TMEFF1: variants seen among roughly 807,000 people sequenced by gnomAD.
The protein encoded by TMEFF1 is tomoregulin-1.
In TMEFF1, 20 loss-of-function variants were observed where a neutral mutation model predicts 47.5. The ratio of observed to expected loss-of-function variants is 0.42; its 90% CI spans 0.30 to 0.61. The LOEUF (loss-of-function observed/expected upper bound fraction) is 0.61, where lower values mean the gene tolerates loss of function less well. Among genes scored for constraint, TMEFF1 ranks in the 20% least tolerant of loss-of-function variants. The probability of loss-of-function intolerance (pLI) is 0.19; values close to 1 mark genes in which losing one functional copy is unlikely to be tolerated. For synonymous variants in TMEFF1, 162 were observed against 166.3 expected, an observed-to-expected ratio of 0.97 and a Z score of 0.20; for missense variants, 411 against 471.1, an observed-to-expected ratio of 0.87 and a Z score of 1.18.
At chr9:100,522,676 C>G (rs1203836673) in intron 5 of TMEFF1, among the ~76,000 whole-genome samples, 2 of 151,654 alleles carry the variant, frequency 1.3e-5, no homozygotes, top group Non-Finnish European at 1.5e-5. Flanking sequence ...ATCTCGTGAT[C>G]CACCTGCCTC....
chr9:100,491,401 C>T (rs1453013185), intron 1 of TMEFF1, among the ~76,000 whole-genome samples: 2 of 152,078 alleles, frequency 1.3e-5, no homozygotes, highest in Non-Finnish European at 2.9e-5. Flanking sequence ...TTTTAAAGGA[C>T]AAGGTGAAAA....
At chr9:100,520,431 A>G (rs749872455) in intron 5 of TMEFF1, among the ~76,000 whole-genome samples, 2 of 152,240 alleles carry the variant, frequency 1.3e-5, no homozygotes, top group Non-Finnish European at 2.9e-5. Context: ...AGAGCAGCTA[A>G]AATCTTTCTC....
intron 1 of TMEFF1, among the ~76,000 whole-genome samples, chr9:100,480,459 G>T (rs1232328706): frequency 6.6e-6 from 1 of 152,126 alleles, no homozygotes; most frequent in African/African-American, 2.4e-5. Flanking sequence ...GCTTTGAAAA[G>T]ACTTGATAAA....
chr9:100,537,016 A>G (rs753455780), intron 5 of TMEFF1, among the ~76,000 whole-genome samples: 12 of 152,236 alleles, frequency 7.9e-5, no homozygotes, highest in African/African-American at 2.7e-4. Context: ...ATTAGAGTCT[A>G]AAAGATTTCA....
At chr9:100,480,436 G>A (rs1837319542) in intron 1 of TMEFF1, among the ~76,000 whole-genome samples, 2 of 152,222 alleles carry the variant, frequency 1.3e-5, no homozygotes, top group African/African-American at 2.4e-5. Context: ...ACAAAAAGTT[G>A]TTTTTATGAA....
chr9:100,550,215 C>A, intron 7 of TMEFF1, 55 bp downstream of exon 7: 1 of 1,566,564 alleles, frequency 6.4e-7, no homozygotes, highest in Non-Finnish European at 8.7e-7. Context: ...CGGTCACTAG[C>A]TGTCCTTATT....
At position 100,498,845 on chromosome 9, in the gene TMEFF1, G is replaced by T. The variant is rs140971390; in HGVS notation, c.277G>T (p.Asp93Tyr). The T allele has an allele frequency of 4.7e-5, 76 of 1,613,810 alleles. No individual in the cohort carries two copies. Among genetic ancestry groups the T allele is most frequent in the African/African-American group, 9.3e-5 (7 of 74,914 alleles). The change falls in exon 2 of 10, where the codon GAT becomes TAT. Residue 93 changes from aspartate (D) to tyrosine (Y), a missense_variant. Asp to Tyr is a radical substitution (Grantham distance 160). Coordinates refer to ENST00000374879, the MANE Select transcript of TMEFF1 (RefSeq NM_003692.5). ...KYGGVCKEDGDGLKCACQFQC... is the reference protein window; with the variant it reads ...KYGGVCKEDGYGLKCACQFQC... ...TGGAGGAGTCTGTAAAGAAGATGGA[G>T]ATGGTTTGAAATGTGCATGCCAATT...
chr9:100,539,576 G>C (rs947140421), intron 5 of TMEFF1, among the ~76,000 whole-genome samples: 6 of 152,150 alleles, frequency 3.9e-5, no homozygotes, highest in Admixed American at 3.3e-4. Flanking sequence ...TCCTTCTGGT[G>C]GGTTTGTGGT....
At chr9:100,518,350 C>A in intron 5 of TMEFF1, 1 of 749,700 alleles carries the variant, frequency 1.3e-6, no homozygotes, top group Non-Finnish European at 1.6e-6. Flanking sequence ...CAGAGCAACT[C>A]TGTTGTGTTT....
intron 7 of TMEFF1, among the ~76,000 whole-genome samples, chr9:100,559,153 G>T (rs769019578): frequency 3.3e-5 from 5 of 152,116 alleles, no homozygotes; most frequent in Non-Finnish European, 5.9e-5. Context: ...GGTAGAGGCT[G>T]ACTTAAAAAA....
chr9:100,568,164 A>G (rs1217826430), intron 8 of TMEFF1, among the ~76,000 whole-genome samples: 1 of 152,170 alleles, frequency 6.6e-6, no homozygotes, highest in Non-Finnish European at 1.5e-5. Context: ...TCAGTTGGAG[A>G]AAATGATATC....
At chr9:100,533,267 C>T (rs919452866) in intron 5 of TMEFF1, among the ~76,000 whole-genome samples, 1 of 152,002 alleles carries the variant, frequency 6.6e-6, no homozygotes, top group Non-Finnish European at 1.5e-5. Flanking sequence ...GGATCCGATG[C>T]TATCTTTAAG....
intron 5 of TMEFF1, among the ~76,000 whole-genome samples, chr9:100,539,582 G>A (rs543099892): frequency 1.1e-4 from 16 of 152,260 alleles, no homozygotes; most frequent in African/African-American, 3.9e-4. Context: ...TGGTGGGTTT[G>A]TGGTCTTGCT....
At chr9:100,516,565 A>G (rs1338239640) in intron 4 of TMEFF1, 110 bp from the exon 5 acceptor site, 1 of 1,360,316 alleles carries the variant, frequency 7.4e-7, no homozygotes, top group East Asian at 2.5e-5. Flanking sequence ...TGTTTTCAAG[A>G]GCTCAGGTAC....
chr9:100,522,209 C>G (rs554669423), intron 5 of TMEFF1, among the ~76,000 whole-genome samples: 5 of 152,132 alleles, frequency 3.3e-5, no homozygotes, highest in Admixed American at 2.0e-4. Context: ...TTATTTCCTC[C>G]TAATCAGAGA....
chr9:100,532,591 G>C (rs1175465828), intron 5 of TMEFF1, among the ~76,000 whole-genome samples: 4 of 151,898 alleles, frequency 2.6e-5, no homozygotes, highest in Middle Eastern at 3.4e-3. Flanking sequence ...GGAAACAACA[G>C]GTGCTGGAGA....
intron 1 of TMEFF1, among the ~76,000 whole-genome samples, chr9:100,483,091 T>C (rs759224029): frequency 5.9e-5 from 9 of 152,174 alleles, no homozygotes; most frequent in Non-Finnish European, 8.8e-5. Flanking sequence ...ATGATAAAAT[T>C]TCTCTCATTG....
At chr9:100,508,018 A>AT (rs1011074261) in intron 2 of TMEFF1, among the ~76,000 whole-genome samples, 3 of 152,142 alleles carry the variant, frequency 2.0e-5, no homozygotes, top group Non-Finnish European at 4.4e-5. Flanking sequence ...ACCTAATTGA[A>AT]TTTTTTAATA....
At chr9:100,477,919 GC>G (rs1342013356) in intron 1 of TMEFF1, among the ~76,000 whole-genome samples, 1 of 152,052 alleles carries the variant, frequency 6.6e-6, no homozygotes, top group African/African-American at 2.4e-5. Context: ...GAGCCACTGC[GC>G]CCGGCCTGCA....
Sources: allele counts gnomAD v4.1 joint callset (sites outside exome capture counted in the v4.1 genomes callset), GRCh38; gene constraint gnomAD v4.1.1; transcripts MANE v1.5; gene names NCBI Gene and HGNC (gene_info 2026-07-23, HGNC 2026-07-21).